The following ADAMTS12 variants were observed in gnomAD, a reference collection of about 807,000 sequenced individuals.
ADAMTS12 encodes A disintegrin and metalloproteinase with thrombospondin motifs 12.
In ADAMTS12, 118 loss-of-function variants were observed where a neutral mutation model predicts 167.8. The observed-to-expected ratio is 0.70, with a 90% CI of 0.61 to 0.82. The LOEUF is 0.82. Among genes scored for constraint, ADAMTS12 ranks in the 40% least tolerant of loss-of-function variants. The pLI is 0.00. For synonymous variants in ADAMTS12, 704 were observed against 716.9 expected, an observed-to-expected ratio of 0.98 and a Z score of 0.29; for missense variants, 1,916 against 1,998.8, an observed-to-expected ratio of 0.96 and a Z score of 0.79.
At chr5:33,568,404 T>C (rs984534983) in intron 19 of ADAMTS12, among the ~76,000 whole-genome samples, 5 of 152,218 alleles carry the variant, frequency 3.3e-5, no homozygotes, top group Non-Finnish European at 5.9e-5. Flanking sequence ...TCTAGTCAAT[T>C]CCATGACCAA....
At chr5:33,567,210 A>G (rs1746059949) in intron 19 of ADAMTS12, among the ~76,000 whole-genome samples, 1 of 152,220 alleles carries the variant, frequency 6.6e-6, no homozygotes, top group Non-Finnish European at 1.5e-5. Flanking sequence ...TCAATCCTAC[A>G]TGTATGCCTT....
chr5:33,706,192 C>A (rs1010370625), intron 3 of ADAMTS12, among the ~76,000 whole-genome samples: 2 of 152,046 alleles, frequency 1.3e-5, no homozygotes, highest in South Asian at 2.1e-4. Context: ...TCCCTTCCCC[C>A]TTCATCTCAT....
At chr5:33,831,523 T>G (rs1332621429) in intron 2 of ADAMTS12, among the ~76,000 whole-genome samples, 1 of 152,222 alleles carries the variant, frequency 6.6e-6, no homozygotes, top group Non-Finnish European at 1.5e-5. Flanking sequence ...TTTGCTTGAC[T>G]TACTGCATTT....
chr5:33,787,713 A>G (rs1405432530), intron 2 of ADAMTS12, among the ~76,000 whole-genome samples: 1 of 152,198 alleles, frequency 6.6e-6, no homozygotes, highest in African/African-American at 2.4e-5. Flanking sequence ...AGCTGCCCAC[A>G]TCCCCACTGC....
At chr5:33,754,901 C>T (rs1035854006) in intron 2 of ADAMTS12, among the ~76,000 whole-genome samples, 2 of 152,122 alleles carry the variant, frequency 1.3e-5, no homozygotes, top group Admixed American at 6.5e-5. Flanking sequence ...TCTGTGAATG[C>T]TTCCCAAGTC....
intron 18 of ADAMTS12, among the ~76,000 whole-genome samples, chr5:33,578,431 C>T (rs1746873463): frequency 6.6e-6 from 1 of 152,168 alleles, no homozygotes; most frequent in Non-Finnish European, 1.5e-5. Flanking sequence ...TAGTGCAACA[C>T]ACTGTACAAG....
At chr5:33,638,355 G>A (rs1226793300) in intron 11 of ADAMTS12, among the ~76,000 whole-genome samples, 1 of 152,154 alleles carries the variant, frequency 6.6e-6, no homozygotes, top group African/African-American at 2.4e-5. Flanking sequence ...AGCATCCAAT[G>A]GTCACATCAG....
intron 10 of ADAMTS12, among the ~76,000 whole-genome samples, chr5:33,642,178 A>G (rs1049855915): frequency 6.6e-6 from 1 of 152,246 alleles, no homozygotes. Context: ...ACGTTGCCTA[A>G]TCACACAGGT....
chr5:33,891,970 G>C lies in ADAMTS12; in HGVS notation c.-114C>G. On this transcript the variant is annotated 5_prime_UTR_variant, in exon 1 of 24. Transcript: ENST00000504830. ...TGCAGGGGTGCATGGTCAGGCGCGA[G>C]AAGGCAGCGACTGCAAAGCTGCCCG... is the stretch of plus-strand genomic sequence containing the variant. 7.2e-7 allele frequency: 1 copy of C among 1,382,496 alleles called. No homozygotes were observed. The highest frequency in any genetic ancestry group is 9.8e-7 in the Non-Finnish European group (1 of 1,023,392). The allele number at this position is 1,382,496 out of a possible 1,614,324, so 85.6% of individuals were successfully genotyped here. A position where few individuals can be genotyped will look rare whatever the true frequency, so the allele number is the denominator to read the frequency against.
intron 18 of ADAMTS12, among the ~76,000 whole-genome samples, chr5:33,586,510 A>G (rs1298585393): frequency 6.6e-6 from 1 of 152,246 alleles, no homozygotes; most frequent in African/African-American, 2.4e-5. Flanking sequence ...TTCTTACATC[A>G]TGCCAACTTT....
intron 3 of ADAMTS12, among the ~76,000 whole-genome samples, chr5:33,739,371 G>C (rs1744485992): frequency 1.3e-5 from 2 of 152,154 alleles, no homozygotes; most frequent in Non-Finnish European, 2.9e-5. Flanking sequence ...GCTAGGTCCT[G>C]AACTTAGAAT....
intron 5 of ADAMTS12, among the ~76,000 whole-genome samples, chr5:33,678,403 A>G (rs529060351): frequency 1.1e-4 from 17 of 152,358 alleles, no homozygotes; most frequent in Admixed American, 4.6e-4. Flanking sequence ...ATACTAATTG[A>G]GGAAACGGTA....
At chr5:33,620,043 C>T (rs1739233861) in intron 14 of ADAMTS12, among the ~76,000 whole-genome samples, 1 of 152,188 alleles carries the variant, frequency 6.6e-6, no homozygotes, top group Non-Finnish European at 1.5e-5. Flanking sequence ...GTATGGTATG[C>T]CTTTCCTATA....
At chr5:33,775,678 G>A (rs67931447) in intron 2 of ADAMTS12, among the ~76,000 whole-genome samples, 17,877 of 152,188 alleles carry the variant, frequency 0.12, 1,286 homozygotes, top group Non-Finnish European at 0.15. Context: ...ACGAAATGAT[G>A]CATTGAAGAG....
chr5:33,594,500 T>G (rs1359422768), intron 17 of ADAMTS12, among the ~76,000 whole-genome samples: 1 of 152,226 alleles, frequency 6.6e-6, no homozygotes, highest in Non-Finnish European at 1.5e-5. Context: ...GTTCATGAAC[T>G]CTGTGGAGTA....
At chr5:33,852,962 C>T (rs757795964) in intron 2 of ADAMTS12, among the ~76,000 whole-genome samples, 2 of 152,198 alleles carry the variant, frequency 1.3e-5, no homozygotes, top group Non-Finnish European at 2.9e-5. Context: ...GGGTCTAGAA[C>T]TTAACAGAGG....
intron 2 of ADAMTS12, among the ~76,000 whole-genome samples, chr5:33,853,581 G>C (rs1482576431): frequency 1.3e-5 from 2 of 152,162 alleles, no homozygotes; most frequent in Non-Finnish European, 2.9e-5. Flanking sequence ...TATCTTCTCA[G>C]TCTTTTCCTG....
At chr5:33,885,856 G>C (rs973162228) in intron 1 of ADAMTS12, among the ~76,000 whole-genome samples, 3 of 152,200 alleles carry the variant, frequency 2.0e-5, no homozygotes, top group African/African-American at 7.2e-5. Context: ...AGTGTTAGCA[G>C]GAGGCAAGGA....
At chr5:33,697,160 T>G (rs1477794607) in intron 3 of ADAMTS12, among the ~76,000 whole-genome samples, 3 of 152,238 alleles carry the variant, frequency 2.0e-5, no homozygotes, top group Non-Finnish European at 4.4e-5. Context: ...GATATTTAAT[T>G]AGGCATAAGG....
Sources: allele counts gnomAD v4.1 joint callset (sites outside exome capture counted in the v4.1 genomes callset), GRCh38; gene constraint gnomAD v4.1.1; transcripts MANE v1.5; gene names NCBI Gene and HGNC (gene_info 2026-07-23, HGNC 2026-07-21).